Variants in LRP1B observed in about 807,000 individuals in gnomAD.
The protein encoded by LRP1B is LDL receptor related protein 1B, also known as low-density lipoprotein receptor-related protein 1B.
LRP1B carries 217 observed loss-of-function variants against 556.6 expected under a neutral mutation model. That is an observed-to-expected ratio of 0.39 (90% CI 0.35 to 0.44). The LOEUF is 0.44. Among genes scored for constraint, LRP1B ranks in the 20% least tolerant of loss-of-function variants. The pLI, the probability that LRP1B is intolerant of heterozygous loss-of-function variation, is 1.00. For synonymous variants in LRP1B, 2,047 were observed against 1,865.8 expected (o/e 1.10, Z -2.50); for missense variants, 5,053 against 5,620.8 (o/e 0.90, Z 3.23).
In LRP1B at chr2:140,883,908, C is replaced by G. The variant is rs2105187116; in HGVS notation, c.4078G>C (p.Glu1360Gln). 2 of 1,613,842 alleles carry G rather than the reference C, an allele frequency of 1.2e-6. No individual in the cohort carries two copies. Among genetic ancestry groups the G allele is most frequent in the Non-Finnish European group, 8.5e-7 (1 of 1,179,946 alleles). ...YWIDSNLDQIEVAKLDGSLRT... is the reference protein window; with the variant it reads ...YWIDSNLDQIQVAKLDGSLRT... Reference sequence around the variant, plus strand: ...AGGGAGCCATCTAGTTTGGCCACTTCGATTTGGTCCAGATTGCTGTCTATC... The same window carrying G: ...AGGGAGCCATCTAGTTTGGCCACTTGGATTTGGTCCAGATTGCTGTCTATC... The change falls in exon 25 of 91, where the codon GAA (glutamate) becomes CAA (glutamine). Residue 1360 changes from glutamate (E) to glutamine (Q), a missense_variant. This residue lies in a region of LRP1B where 3,619 missense variants were observed against 3,931.9 expected (regional missense o/e 0.92). Coordinates refer to ENST00000389484, the MANE Select transcript of LRP1B (RefSeq NM_018557.3).
chr2:141,884,082 A>C (rs1050231096), intron 1 of LRP1B, among the ~76,000 whole-genome samples: 2 of 152,174 alleles, frequency 1.3e-5, no homozygotes, highest in African/African-American at 4.8e-5. Context: ...CAACTTTAAA[A>C]ATGTATAATG....
chr2:140,415,559 C>A (rs1395796728), intron 66 of LRP1B, among the ~76,000 whole-genome samples: 1 of 152,174 alleles, frequency 6.6e-6, no homozygotes, highest in Admixed American at 6.5e-5. Context: ...CCAGCCAACA[C>A]TTATGGAAAA....
At position 141,049,123 on chromosome 2, in the gene LRP1B, G is replaced by A. The variant is rs1287588639; in HGVS notation, c.1652C>T (p.Pro551Leu). Residue 551 changes from proline to leucine, a missense_variant, in exon 11 of 91, where the codon CCC becomes CTC. By Grantham distance (98) the Pro-to-Leu change is moderately conservative (BLOSUM62 -3). Coordinates refer to ENST00000389484, the MANE Select transcript of LRP1B (RefSeq NM_018557.3). Reference sequence around the variant, plus strand: ...ACGAGGGTTTACCAGATTTTCTATGGGGATCATGTATTCATCAGCTATCTT... The same window carrying A: ...ACGAGGGTTTACCAGATTTTCTATGAGGATCATGTATTCATCAGCTATCTT... ...NTKIADEYMI[P>L]IENLVNPRAL... is the part of the protein sequence containing the mutation. The A allele has an allele frequency of 6.2e-7, 1 of 1,613,480 alleles. No homozygotes were observed. The highest frequency in any genetic ancestry group is 1.3e-5 in the African/African-American group (1 of 74,960).
chr2:140,282,910 G>A (rs1305302769), intron 84 of LRP1B, among the ~76,000 whole-genome samples: 1 of 151,730 alleles, frequency 6.6e-6, no homozygotes, highest in Admixed American at 6.6e-5. Flanking sequence ...GTCACTCTAA[G>A]CAAATAAGAA....
intron 3 of LRP1B, among the ~76,000 whole-genome samples, chr2:141,415,081 C>T (rs905256294): frequency 2.2e-4 from 33 of 152,340 alleles, no homozygotes; most frequent in African/African-American, 7.7e-4. Flanking sequence ...GTGGCGCTAT[C>T]TTGGCTCACT....
chr2:141,627,669 C>T (rs913414915), intron 2 of LRP1B, among the ~76,000 whole-genome samples: 4 of 152,190 alleles, frequency 2.6e-5, no homozygotes, highest in Non-Finnish European at 4.4e-5. Context: ...CATTCTCCTC[C>T]ACCCCTGGTC....
chr2:141,632,156 T>G (rs2105350617), intron 2 of LRP1B, among the ~76,000 whole-genome samples: 1 of 152,204 alleles, frequency 6.6e-6, no homozygotes, highest in South Asian at 2.1e-4. Context: ...ACTTTTGGAC[T>G]CAAGCAATCC....
chr2:141,355,049 G>A (rs777258886), intron 3 of LRP1B, among the ~76,000 whole-genome samples: 19 of 151,904 alleles, frequency 1.3e-4, no homozygotes, highest in Non-Finnish European at 2.2e-4. Context: ...GGAGACTTAG[G>A]TATTGGTAAG....
At position 140,233,131 on chromosome 2, in the gene LRP1B, CA is replaced by C; in HGVS notation, c.*54del. 1 of 1,190,236 alleles carries C rather than the reference CA, an allele frequency of 8.4e-7. No individual in the cohort carries two copies. The highest frequency in any genetic ancestry group is 1.2e-6 in the Non-Finnish European group (1 of 862,434). The allele number at this position is 1,190,236 out of a possible 1,614,324, so 73.7% of individuals were successfully genotyped here. A position where few individuals can be genotyped will look rare whatever the true frequency, so the allele number is the denominator to read the frequency against. ...ACAAGTATAATACTGTTGGAACATACAAAAGTAATCCTTATATTTTATACAT... is the reference window on the plus strand; with the variant it reads ...ACAAGTATAATACTGTTGGAACATACAAAGTAATCCTTATATTTTATACAT... On this transcript the variant is annotated 3_prime_UTR_variant, in exon 91 of 91. Coordinates refer to ENST00000389484, the MANE Select transcript of LRP1B (RefSeq NM_018557.3).
intron 2 of LRP1B, among the ~76,000 whole-genome samples, chr2:141,616,294 A>C (rs1454538913): frequency 6.6e-6 from 1 of 151,852 alleles, no homozygotes; most frequent in Non-Finnish European, 1.5e-5. Context: ...AAAATAAAAA[A>C]AAAAAAAGAA....
At chr2:140,718,658 G>T (rs913048118) in intron 35 of LRP1B, among the ~76,000 whole-genome samples, 1 of 151,832 alleles carries the variant, frequency 6.6e-6, no homozygotes, top group African/African-American at 2.4e-5. Context: ...CCGCTGTCTC[G>T]CACCAAACTC....
intron 1 of LRP1B, among the ~76,000 whole-genome samples, chr2:142,004,386 G>A (rs559142374): frequency 1.3e-5 from 2 of 152,088 alleles, no homozygotes; most frequent in East Asian, 3.9e-4. Context: ...AACAAGGCTA[G>A]AGTAGAGAAA....
chr2:142,030,108 T>C (rs1439486023), intron 1 of LRP1B, among the ~76,000 whole-genome samples: 3 of 151,808 alleles, frequency 2.0e-5, no homozygotes, highest in African/African-American at 4.8e-5. Context: ...ATCTATATGG[T>C]GATCATATAT....
intron 3 of LRP1B, among the ~76,000 whole-genome samples, chr2:141,422,660 T>C (rs1680185810): frequency 6.6e-6 from 1 of 152,224 alleles, no homozygotes; most frequent in South Asian, 2.1e-4. Flanking sequence ...CGTACATGTC[T>C]TTTCTCAACA....
intron 1 of LRP1B, among the ~76,000 whole-genome samples, chr2:142,030,217 C>A (rs2105194013): frequency 6.6e-6 from 1 of 151,874 alleles, no homozygotes; most frequent in East Asian, 1.9e-4. Context: ...CACATAAAAC[C>A]AGTTGCAATT....
Position 140,342,135 on chromosome 2 carries a change from ATATAATT to A in LRP1B, c.11893-6304_11893-6298del, listed in dbSNP as rs141553114. ...TTTATTTGTGAATTCATTTTGCCAC[ATATAATT>A]TATAATTATTCTTTCAACTTTCATA... is the stretch of plus-strand genomic sequence containing the variant. On this transcript the variant is annotated intron_variant, in intron 77 of 90. Transcript: ENST00000389484. 1.6e-3 allele frequency among the ~76,000 whole-genome samples: 250 copies of A among 151,638 alleles called. 9 individuals are homozygous for A. In the East Asian group the frequency reaches 0.047, roughly 29 times the overall value.
rs950283013 is a variant in LRP1B, at chr2:141,272,257, A to C, written c.344-17616T>G. Among the ~76,000 whole-genome samples the C allele has an allele frequency of 2.0e-5, 3 of 152,092 alleles. No homozygotes were observed. In the South Asian group the frequency reaches 6.2e-4, roughly 31 times the overall value. ...CTAAAAGTAGTATAAATCTGAAGTC[A>C]ATTATGATAAACTGAGATATATCTT... On this transcript the variant is annotated intron_variant, in intron 3 of 90. Transcript: ENST00000389484.
At chr2:140,385,378 G>A (rs1490216019) in intron 67 of LRP1B, among the ~76,000 whole-genome samples, 1 of 152,106 alleles carries the variant, frequency 6.6e-6, no homozygotes, top group East Asian at 1.9e-4. Flanking sequence ...ATATAAAATG[G>A]AGAAGACAGA....
intron 31 of LRP1B, among the ~76,000 whole-genome samples, chr2:140,837,377 C>T (rs187830722): frequency 4.3e-4 from 65 of 152,022 alleles, no homozygotes; most frequent in African/African-American, 1.2e-3. Flanking sequence ...GTGCAAAATC[C>T]GATACTCAAT....
Sources: gnomAD v4.1 joint callset for allele counts (sites outside exome capture counted in the v4.1 genomes callset) on GRCh38, gnomAD v4.1.1 for gene constraint, gnomAD v4.1.1 regional missense constraint, MANE v1.5 for transcripts, NCBI Gene and HGNC (gene_info 2026-07-23, HGNC 2026-07-21) for gene names.